MYO5A: variants seen among roughly 807,000 people sequenced by gnomAD.
MYO5A encodes unconventional myosin-Va.
In MYO5A, 98 loss-of-function variants were observed where a neutral mutation model predicts 249.7. The ratio of observed to expected loss-of-function variants is 0.39; its 90% CI spans 0.33 to 0.46. MYO5A has a LOEUF of 0.46. MYO5A is among the 20% of genes least tolerant of loss of function. The pLI is 0.98. For missense variants in MYO5A, 1,696 were observed against 2,308.8 expected (o/e 0.73, Z 5.44); for synonymous variants, 778 against 810.6 (o/e 0.96, Z 0.68).
At chr15:52,322,137 G>A (rs1337346933) in intron 37 of MYO5A, among the ~76,000 whole-genome samples, 1 of 152,202 alleles carries the variant, frequency 6.6e-6, no homozygotes, top group Non-Finnish European at 1.5e-5. Flanking sequence ...CTGATGCTAC[G>A]TGATAAAGGC....
chr15:52,342,977 C>A (rs2039450318), intron 31 of MYO5A, 140 bp downstream of exon 31: 47 of 732,734 alleles, frequency 6.4e-5, no homozygotes, highest in South Asian at 1.5e-5. Context: ...AAGCTTTGAA[C>A]AAATAACACA....
intron 1 of MYO5A, among the ~76,000 whole-genome samples, chr15:52,493,610 C>T (rs2076978655): frequency 6.6e-6 from 1 of 151,620 alleles, no homozygotes; most frequent in Non-Finnish European, 1.5e-5. Flanking sequence ...TGCAGTGAGC[C>T]AAGATCATGC....
chr15:52,479,269 C>T (rs1040981898), intron 1 of MYO5A, among the ~76,000 whole-genome samples: 6 of 152,070 alleles, frequency 3.9e-5, no homozygotes, highest in Non-Finnish European at 8.8e-5. Flanking sequence ...TGAGCCACTG[C>T]GCCCAGCCAA....
chr15:52,428,418 T>C lies in MYO5A; in HGVS notation c.290A>G (p.Lys97Arg), dbSNP rs748927050. 56 of 1,613,976 alleles carry C rather than the reference T, an allele frequency of 3.5e-5. No individual in the cohort carries two copies. Among genetic ancestry groups the C allele is most frequent in the Non-Finnish European group, 4.7e-5 (55 of 1,179,974 alleles). ...HNLRVRFIDS[K>R]LIYTYCGIVL... ...CTTACCACAATACGTATAAATAAGTTTGGAATCAATAAAGCGGACTCTGAG... is the reference window on the plus strand; with the variant it reads ...CTTACCACAATACGTATAAATAAGTCTGGAATCAATAAAGCGGACTCTGAG... The change falls in exon 3 of 42, where the codon AAA (lysine) becomes AGA (arginine). Residue 97 changes from lysine to arginine, a missense_variant. By Grantham distance (26) the Lys-to-Arg change is conservative. Coordinates refer to ENST00000399233, the MANE Select transcript of MYO5A (RefSeq NM_001382347.1).
chr15:52,514,198 T>C (rs1050797165), intron 1 of MYO5A, among the ~76,000 whole-genome samples: 1 of 152,212 alleles, frequency 6.6e-6, no homozygotes, highest in Non-Finnish European at 1.5e-5. Context: ...ACCTACTACA[T>C]AGCAAACACT....
At chr15:52,404,263 G>A (rs1371424076) in intron 9 of MYO5A, among the ~76,000 whole-genome samples, 19 of 41,754 alleles carry the variant, frequency 4.6e-4, no homozygotes, top group South Asian at 1.3e-3. Flanking sequence ...GTGAAACTCC[G>A]TCTCAAAAAA....
chr15:52,499,572 T>G (rs1484636358), intron 1 of MYO5A, among the ~76,000 whole-genome samples: 1 of 152,224 alleles, frequency 6.6e-6, no homozygotes, highest in African/African-American at 2.4e-5. Flanking sequence ...TTCATGTAAG[T>G]AGAATCACAC....
intron 1 of MYO5A, among the ~76,000 whole-genome samples, chr15:52,488,605 T>C (rs2076871524): frequency 6.6e-6 from 1 of 152,168 alleles, no homozygotes; most frequent in South Asian, 2.1e-4. Flanking sequence ...TGATCAGAAA[T>C]GTCTATGTTT....
At chr15:52,429,284 T>C (rs2075465725) in intron 2 of MYO5A, among the ~76,000 whole-genome samples, 1 of 152,242 alleles carries the variant, frequency 6.6e-6, no homozygotes, top group Non-Finnish European at 1.5e-5. Context: ...CCGGACACAG[T>C]GGCTCACACC....
intron 1 of MYO5A, among the ~76,000 whole-genome samples, chr15:52,481,251 T>G (rs2076708807): frequency 6.6e-6 from 1 of 152,210 alleles, no homozygotes; most frequent in Non-Finnish European, 1.5e-5. Context: ...TTGCTGAAGA[T>G]CTAAGCAAAT....
At chr15:52,479,537 T>A (rs1488603842) in intron 1 of MYO5A, among the ~76,000 whole-genome samples, 6 of 152,164 alleles carry the variant, frequency 3.9e-5, no homozygotes, top group African/African-American at 1.4e-4. Context: ...GTCAACTGCA[T>A]AGTTTAGAGG....
chr15:52,427,160 A>G (rs11853237), intron 3 of MYO5A, among the ~76,000 whole-genome samples: 22,556 of 151,916 alleles, frequency 0.15, 1,752 homozygotes, highest in Middle Eastern at 0.22. Flanking sequence ...ACTTTTCTGT[A>G]TTTCCTAAGA....
rs1456657924 is a variant in MYO5A at position 52,384,238 on chromosome 15, T to C, written c.1837A>G (p.Thr613Ala). ...TTGGTGGGCTTTGCAGGAGTTCGTG[T>C]GAGGGGTGTGCGCCCTGAGGAGGTG... is the stretch of plus-strand genomic sequence containing the variant. Reference protein sequence around the residue: ...SATSSGRTPLTRTPAKPTKGR... With the variant: ...SATSSGRTPLARTPAKPTKGR... The change falls in exon 15 of 42, where the codon ACA becomes GCA. Residue 613 changes from threonine (T) to alanine (A), a missense_variant. Coordinates refer to ENST00000399233, the MANE Select transcript of MYO5A (RefSeq NM_001382347.1). 6.2e-7 allele frequency: 1 copy of C among 1,614,212 alleles called. No homozygotes were observed. Among genetic ancestry groups the C allele is most frequent in the South Asian group, 1.1e-5 (1 of 91,088 alleles).
intron 1 of MYO5A, among the ~76,000 whole-genome samples, chr15:52,438,871 C>CAAACG (rs2075724748): frequency 1.3e-5 from 2 of 152,244 alleles, no homozygotes; most frequent in Non-Finnish European, 2.9e-5. Context: ...TCCACCACTG[C>CAAACG]TGTTTGCCAC....
chr15:52,413,239 G>A (rs1396362416), intron 5 of MYO5A, among the ~76,000 whole-genome samples: 1 of 151,726 alleles, frequency 6.6e-6, no homozygotes, highest in Admixed American at 6.6e-5. Context: ...GAGGCAGGAG[G>A]ATTGTTTGAG....
intron 9 of MYO5A, among the ~76,000 whole-genome samples, chr15:52,400,491 A>G (rs911714012): frequency 3.9e-5 from 6 of 152,228 alleles, no homozygotes; most frequent in Non-Finnish European, 8.8e-5. Context: ...AGTGCTCTCT[A>G]CAAAAAATAA....
rs546668667 is a variant in MYO5A, at chr15:52,383,302, T to C, written c.1915-114A>G. On this transcript the variant is annotated intron_variant, in intron 15 of 41. Transcript: ENST00000399233. ...CTAATGGAGAAAACTTTGCCACTTA[T>C]AAACTTGACCCATCTTCAGAAGAGG... is the stretch of plus-strand genomic sequence containing the variant. The C allele has an allele frequency of 3.5e-6, 3 of 856,990 alleles. No homozygotes were observed. The South Asian group carries it at 4.1e-5, about 12-fold the overall frequency. 53.1% of individuals were successfully genotyped at this position (856,990 alleles called of 1,614,324 possible). A position where few individuals can be genotyped will look rare whatever the true frequency, so the allele number is the denominator to read the frequency against.
rs77550028 is a variant in MYO5A, at chr15:52,427,040, A to G, written c.311-1066T>C. 5.2e-3 allele frequency among the ~76,000 whole-genome samples: 794 copies of G among 152,292 alleles called. 9 individuals are homozygous for G. The highest frequency in any genetic ancestry group is 0.018 in the African/African-American group (758 of 41,558). On this transcript the variant is annotated intron_variant, in intron 3 of 41. Transcript: ENST00000399233. ...ATAATACAAAACTATATATAGACTG[A>G]TTCCAATTTTCTATCAACTTATGCA...
At chr15:52,340,084 G>T in intron 32 of MYO5A, 112 bp downstream of exon 32, 1 of 1,114,656 alleles carries the variant, frequency 9.0e-7, no homozygotes, top group Non-Finnish European at 1.3e-6. Context: ...GGGGTAACAA[G>T]TACAGAGGGG....
Sources: allele counts gnomAD v4.1 joint callset (sites outside exome capture counted in the v4.1 genomes callset), GRCh38; gene constraint gnomAD v4.1.1; transcripts MANE v1.5; gene names NCBI Gene and HGNC (gene_info 2026-07-23, HGNC 2026-07-21).